Variants in CMSS1 observed in about 807,000 individuals in gnomAD.
CMSS1 encodes the protein protein CMSS1.
In CMSS1, 33 loss-of-function variants were observed where a neutral mutation model predicts 43.5. The ratio of observed to expected loss-of-function variants is 0.76; its 90% confidence interval spans 0.57 to 1.01. The LOEUF is 1.01. Among genes scored for constraint, CMSS1 ranks in the 50% least tolerant of loss-of-function variants. The pLI is 0.00. For synonymous variants in CMSS1, 115 were observed against 117.2 expected (o/e 0.98, Z 0.12); for missense variants, 313 against 326.4 (o/e 0.96, Z 0.32).
chr3:99,989,679 TA>T (rs201704928), intron 1 of CMSS1, among the ~76,000 whole-genome samples: 3,662 of 143,902 alleles, frequency 0.025, 78 homozygotes, highest in African/African-American at 0.055. Flanking sequence ...TATATATATA[TA>T]TATATTTTTT....
chr3:99,854,584 A>G (rs866429492), intron 1 of CMSS1, among the ~76,000 whole-genome samples: 1 of 152,132 alleles, frequency 6.6e-6, no homozygotes, highest in African/African-American at 2.4e-5. Flanking sequence ...GGGGCCAGAT[A>G]ATTTGTTCAT....
At chr3:99,986,136 C>G (rs891329681) in intron 1 of CMSS1, among the ~76,000 whole-genome samples, 67 of 152,212 alleles carry the variant, frequency 4.4e-4, no homozygotes, top group African/African-American at 1.3e-3. Context: ...GATAGAAAAT[C>G]TAAATTGTTT....
chr3:100,166,193 G>T, intron 4 of CMSS1, 142 bp from the exon 5 acceptor site: 1 of 547,266 alleles, frequency 1.8e-6, no homozygotes, highest in Non-Finnish European at 3.2e-6. Flanking sequence ...TTAAATATAG[G>T]CAACACTTTA....
At chr3:100,160,117 C>T (rs1238282744) in intron 2 of CMSS1, among the ~76,000 whole-genome samples, 4 of 152,168 alleles carry the variant, frequency 2.6e-5, no homozygotes, top group African/African-American at 9.7e-5. Flanking sequence ...ATTATACAAA[C>T]TCAGCCACTG....
chr3:100,152,528 C>T (rs557174575), intron 2 of CMSS1, among the ~76,000 whole-genome samples: 7 of 152,140 alleles, frequency 4.6e-5, no homozygotes, highest in Non-Finnish European at 1.0e-4. Flanking sequence ...TGAGCACACC[C>T]TTAATTTATT....
At position 99,910,167 on chromosome 3, in the gene CMSS1, C is replaced by A. The variant is rs577942247; in HGVS notation, c.64+92124C>A. On this transcript the variant is annotated intron_variant, in intron 1 of 9. Coordinates refer to ENST00000421999, the MANE Select transcript of CMSS1 (RefSeq NM_032359.4). The stretch of plus-strand genomic sequence containing the variant: ...TACGTAATTTCTATTCTTTGACTTA[C>A]AAGAACTTAAATCTTGTCTAAAAAC... Among the ~76,000 whole-genome samples the A allele has an allele frequency of 2.1e-4, 28 of 136,402 alleles. 4 individuals carry two copies. The South Asian group carries it at 7.0e-3, about 34-fold the overall frequency. 89.5% of individuals were successfully genotyped at this position (136,402 alleles called of 152,430 possible). A position where few individuals can be genotyped will look rare whatever the true frequency, so the allele number is the denominator to read the frequency against.
chr3:100,124,803 C>T (rs1372995866), intron 1 of CMSS1, among the ~76,000 whole-genome samples: 1 of 152,146 alleles, frequency 6.6e-6, no homozygotes, highest in Non-Finnish European at 1.5e-5. Context: ...CTAGTAGCAG[C>T]AGCAGTTGCT....
chr3:99,984,538 G>C (rs756322817), intron 1 of CMSS1, among the ~76,000 whole-genome samples: 1 of 152,072 alleles, frequency 6.6e-6, no homozygotes, highest in Admixed American at 6.6e-5. Context: ...CTAGCCCCTG[G>C]TCACTGAAAC....
intron 1 of CMSS1, among the ~76,000 whole-genome samples, chr3:100,055,278 C>T (rs1346040272): frequency 6.6e-6 from 1 of 152,148 alleles, no homozygotes; most frequent in Non-Finnish European, 1.5e-5. Context: ...TCTTGCTTTC[C>T]TCAGTATCTT....
chr3:100,031,095 A>G (rs2065014823), intron 1 of CMSS1, among the ~76,000 whole-genome samples: 1 of 151,936 alleles, frequency 6.6e-6, no homozygotes, highest in African/African-American at 2.4e-5. Flanking sequence ...GTCAGATTCT[A>G]TTTTTTTCTG....
At chr3:99,866,041 T>G (rs932975596) in intron 1 of CMSS1, among the ~76,000 whole-genome samples, 1 of 152,134 alleles carries the variant, frequency 6.6e-6, no homozygotes, top group African/African-American at 2.4e-5. Context: ...ATTCCTTCTC[T>G]TAACCTCTAC....
At chr3:100,035,338 A>G (rs1255631033) in intron 1 of CMSS1, among the ~76,000 whole-genome samples, 3 of 152,166 alleles carry the variant, frequency 2.0e-5, no homozygotes, top group South Asian at 2.1e-4. Context: ...CAATGGCACA[A>G]TCTTGGCTCA....
intron 1 of CMSS1, among the ~76,000 whole-genome samples, chr3:99,991,049 G>GT (rs919868201): frequency 1.3e-5 from 2 of 152,104 alleles, no homozygotes; most frequent in Non-Finnish European, 2.9e-5. Flanking sequence ...TGGTCCATGA[G>GT]TTCCCGTAAG....
intron 1 of CMSS1, among the ~76,000 whole-genome samples, chr3:100,109,005 A>G (rs897730350): frequency 6.6e-6 from 1 of 151,754 alleles, no homozygotes; most frequent in Non-Finnish European, 1.5e-5. Flanking sequence ...TGGCTTTTTC[A>G]ATGCAGTTTG....
At chr3:99,888,016 T>C (rs1168083426) in intron 1 of CMSS1, among the ~76,000 whole-genome samples, 1 of 152,140 alleles carries the variant, frequency 6.6e-6, no homozygotes, top group East Asian at 1.9e-4. Flanking sequence ...AGTACTGGGA[T>C]TACAGGCATG....
chr3:99,869,314 T>G (rs373866995), intron 1 of CMSS1, among the ~76,000 whole-genome samples: 287 of 152,332 alleles, frequency 1.9e-3, no homozygotes, highest in Non-Finnish European at 2.8e-3. Flanking sequence ...AAAAGAATTT[T>G]ATGGGGCAGA....
At chr3:99,872,912 CAA>C (rs1705306582) in intron 1 of CMSS1, among the ~76,000 whole-genome samples, 2 of 151,448 alleles carry the variant, frequency 1.3e-5, no homozygotes, top group Admixed American at 1.3e-4. Context: ...AGGAGAATCT[CAA>C]GTCTTTTTTT....
chr3:100,088,388 A>C (rs1255718615), intron 1 of CMSS1, among the ~76,000 whole-genome samples: 2 of 152,128 alleles, frequency 1.3e-5, no homozygotes, highest in Non-Finnish European at 2.9e-5. Flanking sequence ...AATGCAAATG[A>C]GTAAGTTATT....
At chr3:99,992,041 T>C (rs944276802) in intron 1 of CMSS1, among the ~76,000 whole-genome samples, 3 of 151,066 alleles carry the variant, frequency 2.0e-5, no homozygotes, top group Non-Finnish European at 4.4e-5. Context: ...TATATATATA[T>C]ACCACTCTTT....
Sources: gnomAD v4.1 joint callset for allele counts (sites outside exome capture counted in the v4.1 genomes callset) on GRCh38, gnomAD v4.1.1 for gene constraint, MANE v1.5 for transcripts, NCBI Gene and HGNC (gene_info 2026-07-23, HGNC 2026-07-21) for gene names.